The following MYO10 variants were observed in gnomAD, a reference collection of about 807,000 sequenced individuals.
The protein encoded by MYO10 is myosin X.
A neutral mutation model predicts 257.3 loss-of-function variants in MYO10; 133 were observed. The ratio of observed to expected loss-of-function variants is 0.52; its 90% confidence interval spans 0.45 to 0.60. The LOEUF is 0.60. MYO10 is among the 20% of genes least tolerant of loss of function. The pLI is 0.00. For missense variants in MYO10, 2,399 were observed against 2,635.7 expected, an observed-to-expected ratio of 0.91 and a Z score of 1.97; for synonymous variants, 1,104 against 1,028.6, an observed-to-expected ratio of 1.07 and a Z score of -1.40.
chr5:16,904,617 CACA>C (rs949851834), intron 1 of MYO10, among the ~76,000 whole-genome samples: 2 of 152,190 alleles, frequency 1.3e-5, no homozygotes, highest in Non-Finnish European at 2.9e-5. Context: ...CCCCTCACCC[CACA>C]ACATCTGGTG....
intron 1 of MYO10, among the ~76,000 whole-genome samples, chr5:16,891,370 A>AGGAAGGAG (rs1745052140): frequency 1.2e-5 from 1 of 84,166 alleles, no homozygotes; most frequent in East Asian, 3.1e-4. Context: ...GAAGGAAGGA[A>AGGAAGGAG]GGAAGGAAGG....
At position 16,681,179 on chromosome 5, in the gene MYO10, G is replaced by GAC. The variant is rs1579811828; in HGVS notation, c.4384+129_4384+130insGT. 1.7e-5 allele frequency: 17 copies of GAC among 1,013,918 alleles called. No individual in the cohort carries two copies. In the East Asian group the frequency reaches 4.4e-4, roughly 26 times the overall value. 62.8% of individuals were successfully genotyped at this position (1,013,918 alleles called of 1,614,324 possible). On this transcript the variant is annotated intron_variant, in intron 32 of 40. Coordinates refer to ENST00000513610, the MANE Select transcript of MYO10 (RefSeq NM_012334.3). ...TAGCTAACCCCAGACAGGCTTAGAA[G>GAC]ATAAACCAAGAGGACAACTTCTTTG...
chr5:16,835,962 G>C (rs942668727), intron 2 of MYO10, among the ~76,000 whole-genome samples: 4 of 152,144 alleles, frequency 2.6e-5, no homozygotes, highest in Non-Finnish European at 4.4e-5. Context: ...CTTTGTAAGT[G>C]TCTATGAAAG....
At chr5:16,834,253 T>C (rs533704885) in intron 2 of MYO10, among the ~76,000 whole-genome samples, 1 of 152,166 alleles carries the variant, frequency 6.6e-6, no homozygotes, top group Admixed American at 6.5e-5. Flanking sequence ...CATTCTATTG[T>C]AACCTCGGTT....
chr5:16,796,312 G>A (rs1741952033), intron 3 of MYO10, among the ~76,000 whole-genome samples: 1 of 32,512 alleles, frequency 3.1e-5, no homozygotes, highest in African/African-American at 8.4e-5. Flanking sequence ...GGAAAGAAAG[G>A]GAAAGAGAGG....
intron 1 of MYO10, among the ~76,000 whole-genome samples, chr5:16,930,348 G>A (rs1289464955): frequency 6.6e-6 from 1 of 152,192 alleles, no homozygotes; most frequent in Non-Finnish European, 1.5e-5. Flanking sequence ...TCACGTGCGA[G>A]AAAAGAATAA....
chr5:16,670,102 C>A (rs754646658), intron 39 of MYO10, among the ~76,000 whole-genome samples: 4 of 152,108 alleles, frequency 2.6e-5, no homozygotes, highest in Non-Finnish European at 4.4e-5. Flanking sequence ...ATGCCAATGG[C>A]TAAATTCCAT....
intron 26 of MYO10, among the ~76,000 whole-genome samples, chr5:16,696,873 AAT>A (rs1363394920): frequency 1.3e-4 from 20 of 150,258 alleles, no homozygotes; most frequent in African/African-American, 4.2e-4. Context: ...AAAAAAAAAA[AAT>A]CAATGTCATA....
At position 16,796,474 on chromosome 5, in the gene MYO10, A is replaced by AAAGAAAGAAAGAAAGAAAGAAAG. The variant is rs1276170429; in HGVS notation, c.280-1642_280-1641insCTTTCTTTCTTTCTTTCTTTCTT. On this transcript the variant is annotated intron_variant, in intron 3 of 40. Coordinates refer to ENST00000513610, the MANE Select transcript of MYO10 (RefSeq NM_012334.3). Reference sequence around the variant, plus strand: ...AAAGAAAGAAAGAAAGAAAGAAAAGAAAAGAAAAGAAAGAAAGAAAGAAGG... The same window carrying AAAGAAAGAAAGAAAGAAAGAAAG: ...AAAGAAAGAAAGAAAGAAAGAAAAGAAAGAAAGAAAGAAAGAAAGAAAGAAAGAAAAGAAAGAAAGAAAGAAGG... Among the ~76,000 whole-genome samples, 167 of 130,086 alleles carry AAAGAAAGAAAGAAAGAAAGAAAG rather than the reference A, an allele frequency of 1.3e-3. 2 individuals are homozygous for AAAGAAAGAAAGAAAGAAAGAAAG. Among genetic ancestry groups the AAAGAAAGAAAGAAAGAAAGAAAG allele is most frequent in the East Asian group, 2.6e-3 (10 of 3,842 alleles). The allele number at this position is 130,086 out of a possible 152,430, so 85.3% of individuals were successfully genotyped here.
intron 2 of MYO10, among the ~76,000 whole-genome samples, chr5:16,848,359 C>T (rs1431298906): frequency 6.6e-6 from 1 of 151,878 alleles, no homozygotes. Context: ...AGGGTTTCAC[C>T]ATGTTGGCCA....
At chr5:16,900,754 T>G (rs982162658) in intron 1 of MYO10, among the ~76,000 whole-genome samples, 3 of 150,894 alleles carry the variant, frequency 2.0e-5, no homozygotes, top group Non-Finnish European at 4.4e-5. Context: ...GTTTTTTTTT[T>G]TTTGAGACAG....
At chr5:16,895,833 G>A (rs1013491559) in intron 1 of MYO10, among the ~76,000 whole-genome samples, 1 of 148,938 alleles carries the variant, frequency 6.7e-6, no homozygotes, top group African/African-American at 2.5e-5. Flanking sequence ...CCAAACTCCT[G>A]GCTAGAAGCA....
At chr5:16,830,679 GCACACA>G (rs1554000807) in intron 2 of MYO10, among the ~76,000 whole-genome samples, 4 of 149,024 alleles carry the variant, frequency 2.7e-5, no homozygotes, top group Non-Finnish European at 5.9e-5. Flanking sequence ...TTTTTAATAG[GCACACA>G]CACACACACA....
intron 1 of MYO10, among the ~76,000 whole-genome samples, chr5:16,891,835 G>A (rs1745069768): frequency 6.6e-6 from 1 of 152,124 alleles, no homozygotes; most frequent in Admixed American, 6.5e-5. Flanking sequence ...TGCAAGTAAA[G>A]GAATATCAGC....
intron 9 of MYO10, among the ~76,000 whole-genome samples, chr5:16,771,930 T>C (rs1579973619): frequency 6.7e-6 from 1 of 150,284 alleles, no homozygotes; most frequent in South Asian, 2.1e-4. Flanking sequence ...TGTTACTTTA[T>C]AAAGACATAA....
chr5:16,779,611 G>A lies in MYO10; in HGVS notation c.864C>T (p.Tyr288=). The A allele has an allele frequency of 6.2e-7, 1 of 1,604,948 alleles. No homozygotes were observed. The highest frequency in any genetic ancestry group is 8.5e-7 in the Non-Finnish European group (1 of 1,177,354). ...CTTCTACACATCCAGACTGATTCAA[G>A]TAGTGGTAGTTTTCTGGCGTAGATA... The part of the protein sequence containing the change: ...FYLSTPENYH[Y]LNQSGCVEDK... The change falls in exon 9 of 41, where the codon TAC becomes TAT. Residue 288 remains tyrosine, a synonymous_variant. Transcript: ENST00000513610.
chr5:16,904,517 C>A (rs1422330515), intron 1 of MYO10, among the ~76,000 whole-genome samples: 1 of 152,166 alleles, frequency 6.6e-6, no homozygotes, highest in African/African-American at 2.4e-5. Context: ...GGGTCTGACG[C>A]CGGGTAGACA....
chr5:16,856,941 A>G (rs1170671107), intron 2 of MYO10, among the ~76,000 whole-genome samples: 3 of 152,254 alleles, frequency 2.0e-5, no homozygotes, highest in African/African-American at 7.2e-5. Context: ...CAACAGAAGC[A>G]TTTAAATAGG....
Position 16,701,809 on chromosome 5 carries a change from G to C in MYO10, c.2586C>G (p.Leu862=), listed in dbSNP as rs770791315. 1.9e-6 allele frequency: 3 copies of C among 1,607,354 alleles called. No homozygotes were observed. Among genetic ancestry groups the C allele is most frequent in the Admixed American group, 1.7e-5 (1 of 58,278 alleles). The change falls in exon 25 of 41, where the codon CTC becomes CTG. Residue 862 remains leucine, a synonymous_variant. Transcript: ENST00000513610. The surrounding 1 kb of genome is among the most constrained non-coding windows in gnomAD (Gnocchi z 8.1). The part of the protein sequence containing the change: ...QEEETRKQQE[L]EALQKSQKEA... ...CCTTCTGGCTCTTCTGCAAGGCTTCGAGTTCTTGCTGCTTCCTCGTTTCTT... is the reference window on the plus strand; with the variant it reads ...CCTTCTGGCTCTTCTGCAAGGCTTCCAGTTCTTGCTGCTTCCTCGTTTCTT...
Sources: allele counts gnomAD v4.1 joint callset (sites outside exome capture counted in the v4.1 genomes callset), GRCh38; gene constraint gnomAD v4.1.1; non-coding constraint Gnocchi (gnomAD v3.1); transcripts MANE v1.5; gene names NCBI Gene and HGNC (gene_info 2026-07-23, HGNC 2026-07-21).